PCDH11Y: variants seen among roughly 807,000 people sequenced by gnomAD.
PCDH11Y encodes the protein protocadherin 11 Y-linked, also known as protocadherin-11 Y-linked.
For missense variants in PCDH11Y, 12 were observed against 224.8 expected, an observed-to-expected ratio of 0.05 and a Z score of 6.05; for synonymous variants, 9 against 83.6, an observed-to-expected ratio of 0.11 and a Z score of 4.87.
intron 3 of PCDH11Y, among the ~76,000 whole-genome samples, chrY:5,547,245 T>TTATC (rs541682691): frequency 0.048 from 906 of 19,045 alleles, no homozygotes; most frequent in East Asian, 0.15. Flanking sequence ...AACCTAAATT[T>TTATC]TATCTATCTA....
At chrY:5,448,098 G>A in intron 2 of PCDH11Y, among the ~76,000 whole-genome samples, 1 of 31,988 alleles carries the variant, frequency 3.1e-5, no homozygotes, top group Non-Finnish European at 7.6e-5. Flanking sequence ...TCTGACAATA[G>A]CATTCGCTTT....
intron 2 of PCDH11Y, among the ~76,000 whole-genome samples, chrY:5,367,219 CAT>C (rs2053181135): frequency 6.1e-5 from 2 of 32,907 alleles, no homozygotes; most frequent in East Asian, 1.6e-3. Flanking sequence ...CACACACACA[CAT>C]ACAGCCATTC....
At chrY:5,195,920 C>A in intron 2 of PCDH11Y, among the ~76,000 whole-genome samples, 2 of 29,438 alleles carry the variant, frequency 6.8e-5, no homozygotes, top group Admixed American at 6.5e-4. Flanking sequence ...ACATTTATGT[C>A]TGGGGGAATA....
At chrY:5,293,207 G>T in intron 2 of PCDH11Y, among the ~76,000 whole-genome samples, 1 of 32,026 alleles carries the variant, frequency 3.1e-5, no homozygotes, top group African/African-American at 1.2e-4. Flanking sequence ...TTGGCTTACT[G>T]CAACCTCTGC....
intron 2 of PCDH11Y, among the ~76,000 whole-genome samples, chrY:5,307,943 A>T (rs1602902011): frequency 3.0e-5 from 1 of 33,244 alleles, no homozygotes; most frequent in Non-Finnish European, 7.4e-5. Flanking sequence ...TGAATGCTGC[A>T]CCTAAAACTT....
At chrY:5,218,529 G>GT (rs2052948963) in intron 2 of PCDH11Y, among the ~76,000 whole-genome samples, 1 of 16,021 alleles carries the variant, frequency 6.2e-5, no homozygotes, top group Non-Finnish European at 1.4e-4. Flanking sequence ...ACAGTGCTTG[G>GT]TTTTTTTTAA....
intron 3 of PCDH11Y, among the ~76,000 whole-genome samples, chrY:5,048,597 C>T: frequency 3.0e-5 from 1 of 33,301 alleles, no homozygotes; most frequent in Non-Finnish European, 7.4e-5. Context: ...GCCATTCTGA[C>T]TAGTGTGAGA....
intron 2 of PCDH11Y, among the ~76,000 whole-genome samples, chrY:5,391,373 G>C: frequency 3.4e-5 from 1 of 29,144 alleles, no homozygotes. Flanking sequence ...GATTATGTAA[G>C]CAGAAGTTTT....
intron 4 of PCDH11Y, among the ~76,000 whole-genome samples, chrY:5,726,591 TA>T (rs2053598922): frequency 6.0e-5 from 2 of 33,099 alleles, no homozygotes; most frequent in Non-Finnish European, 1.5e-4. Context: ...GTGAATATAC[TA>T]AAAACCACTG....
intron 2 of PCDH11Y, among the ~76,000 whole-genome samples, chrY:5,222,685 C>T (rs2052955631): frequency 6.2e-5 from 2 of 32,228 alleles, no homozygotes; most frequent in African/African-American, 1.2e-4. Flanking sequence ...TTAGTAGAGA[C>T]GGGATTTCAC....
At chrY:5,646,462 A>C in intron 4 of PCDH11Y, among the ~76,000 whole-genome samples, 1 of 32,471 alleles carries the variant, frequency 3.1e-5, no homozygotes, top group South Asian at 7.0e-4. Flanking sequence ...ATAATAACTT[A>C]ATTGTACATT....
At chrY:5,278,299 C>T (rs2124660345) in intron 2 of PCDH11Y, among the ~76,000 whole-genome samples, 1 of 31,058 alleles carries the variant, frequency 3.2e-5, no homozygotes, top group Non-Finnish European at 7.8e-5. Flanking sequence ...TACAGGCACC[C>T]ACCACCACAC....
chrY:5,236,300 A>G, intron 2 of PCDH11Y, among the ~76,000 whole-genome samples: 6 of 32,611 alleles, frequency 1.8e-4, no homozygotes, highest in Non-Finnish European at 3.8e-4. Context: ...GTTGATAAAA[A>G]CAGCAAGAAC....
intron 2 of PCDH11Y, among the ~76,000 whole-genome samples, chrY:5,278,516 A>T (rs2124660383): frequency 6.0e-5 from 2 of 33,265 alleles, no homozygotes; most frequent in Non-Finnish European, 1.5e-4. Flanking sequence ...TTTAATTTTC[A>T]ACATGGTTGT....
intron 4 of PCDH11Y, among the ~76,000 whole-genome samples, chrY:5,586,796 C>T: frequency 3.1e-5 from 1 of 32,580 alleles, no homozygotes; most frequent in African/African-American, 1.2e-4. Flanking sequence ...CCTTTTACAA[C>T]TCTGGTTTTA....
chrY:5,403,159 T>G, intron 2 of PCDH11Y, among the ~76,000 whole-genome samples: 1 of 31,628 alleles, frequency 3.2e-5, no homozygotes, highest in Non-Finnish European at 7.7e-5. Flanking sequence ...CAAATTTTTA[T>G]AATGTAAAAG....
chrY:5,407,803 T>C (rs2053241188), intron 2 of PCDH11Y, among the ~76,000 whole-genome samples: 1 of 29,528 alleles, frequency 3.4e-5, no homozygotes, highest in Non-Finnish European at 7.9e-5. Flanking sequence ...TAGTCCCAGC[T>C]ACTCGGGAGG....
chrY:5,724,223 T>G, intron 4 of PCDH11Y, among the ~76,000 whole-genome samples: 1 of 33,870 alleles, frequency 3.0e-5, no homozygotes, highest in African/African-American at 1.1e-4. Context: ...AAAAGAAGCC[T>G]CAATAATTTG....
chrY:5,006,649 A>T, intron 1 of PCDH11Y, among the ~76,000 whole-genome samples: 1 of 34,011 alleles, frequency 2.9e-5, no homozygotes, highest in African/African-American at 1.1e-4. Flanking sequence ...ATATTACAAC[A>T]TTCCAAATTA....
Sources: gnomAD v4.1 joint callset for allele counts (sites outside exome capture counted in the v4.1 genomes callset) on GRCh38, gnomAD v4.1.1 for gene constraint, MANE v1.5 for transcripts, NCBI Gene and HGNC (gene_info 2026-07-23, HGNC 2026-07-21) for gene names.